The following ARHGEF12 variants were observed in gnomAD, a reference collection of about 807,000 sequenced individuals.
ARHGEF12 encodes the protein KMT2A/ARHGEF12 fusion protein.
ARHGEF12 carries 66 observed loss-of-function variants against 211.2 expected under a neutral mutation model. The ratio of observed to expected loss-of-function variants is 0.31; its 90% CI spans 0.26 to 0.38. The LOEUF is 0.38. Among genes scored for constraint, ARHGEF12 ranks in the 10% least tolerant of loss-of-function variants. The probability of loss-of-function intolerance (pLI) is 1.00; values close to 1 mark genes in which losing one functional copy is unlikely to be tolerated. For synonymous variants in ARHGEF12, 592 were observed against 638.4 expected, an observed-to-expected ratio of 0.93 and a Z score of 1.09; for missense variants, 1,429 against 1,869.5, an observed-to-expected ratio of 0.76 and a Z score of 4.34.
intron 7 of ARHGEF12, among the ~76,000 whole-genome samples, chr11:120,425,105 T>C (rs1363213263): frequency 2.0e-5 from 3 of 152,140 alleles, no homozygotes; most frequent in Non-Finnish European, 4.4e-5. Flanking sequence ...AACCTCGAGC[T>C]GGCAGTGAGT....
chr11:120,367,954 C>T (rs1397820682), intron 1 of ARHGEF12, among the ~76,000 whole-genome samples: 1 of 151,956 alleles, frequency 6.6e-6, no homozygotes, highest in African/African-American at 2.4e-5. Context: ...GCACCCCAGC[C>T]TGGGTGACAG....
intron 1 of ARHGEF12, among the ~76,000 whole-genome samples, chr11:120,389,090 C>T (rs546740995): frequency 6.6e-5 from 10 of 152,098 alleles, no homozygotes; most frequent in Admixed American, 5.2e-4. Context: ...AGGCTGGTTT[C>T]GAACTCCTGA....
At chr11:120,435,266 A>G (rs981626791) in intron 11 of ARHGEF12, among the ~76,000 whole-genome samples, 1 of 151,982 alleles carries the variant, frequency 6.6e-6, no homozygotes, top group Non-Finnish European at 1.5e-5. Context: ...TCCATTTTCT[A>G]ATTATATTTT....
intron 1 of ARHGEF12, among the ~76,000 whole-genome samples, chr11:120,347,541 A>G (rs1434752461): frequency 6.6e-6 from 1 of 152,140 alleles, no homozygotes; most frequent in African/African-American, 2.4e-5. Flanking sequence ...CTGTGGAGAA[A>G]GGATCTATCA....
At position 120,489,242 on chromosome 11, in the gene ARHGEF12, GT is replaced by G. The variant is rs1331389550; in HGVS notation, c.*4172del. 3 of 228,032 alleles carry G rather than the reference GT, an allele frequency of 1.3e-5. No individual in the cohort carries two copies. The highest frequency in any genetic ancestry group is 1.7e-5 in the Non-Finnish European group (2 of 114,850). 14.1% of individuals were successfully genotyped at this position (228,032 alleles called of 1,614,324 possible). On this transcript the variant is annotated 3_prime_UTR_variant, in exon 41 of 41. Transcript: ENST00000397843. Reference sequence around the variant, plus strand: ...CCCTAGCATGTGGGGCAGGTTTGTTGTTTTTTTAATAGCTTTATTGAGATAT... The same window carrying G: ...CCCTAGCATGTGGGGCAGGTTTGTTGTTTTTTAATAGCTTTATTGAGATAT...
intron 1 of ARHGEF12, among the ~76,000 whole-genome samples, chr11:120,399,282 C>T (rs1439543895): frequency 8.2e-6 from 1 of 121,930 alleles, no homozygotes; most frequent in African/African-American, 3.2e-5. Flanking sequence ...GATTGTGCCA[C>T]TGCACTCCAG....
chr11:120,442,459 TATATAC>T (rs1945905577), intron 15 of ARHGEF12, among the ~76,000 whole-genome samples: 1 of 144,000 alleles, frequency 6.9e-6, no homozygotes, highest in Admixed American at 6.9e-5. Context: ...CACACACATA[TATATAC>T]ACACACACAC....
At chr11:120,353,178 A>G (rs1943037238) in intron 1 of ARHGEF12, among the ~76,000 whole-genome samples, 1 of 152,216 alleles carries the variant, frequency 6.6e-6, no homozygotes, top group South Asian at 2.1e-4. Flanking sequence ...CAGCCTCAGA[A>G]CCTTGGGACA....
At chr11:120,431,355 A>G (rs747511960) in intron 10 of ARHGEF12, among the ~76,000 whole-genome samples, 1 of 152,146 alleles carries the variant, frequency 6.6e-6, no homozygotes, top group Non-Finnish European at 1.5e-5. Flanking sequence ...ATGTTATAGT[A>G]TTATGTCCTA....
At chr11:120,339,005 CT>C (rs906260027) in intron 1 of ARHGEF12, among the ~76,000 whole-genome samples, 354 of 121,992 alleles carry the variant, frequency 2.9e-3, no homozygotes, top group Non-Finnish European at 3.9e-3. Flanking sequence ...TTTTCTTTTT[CT>C]TTTTTTTTTT....
chr11:120,424,513 C>A (rs879831229), intron 7 of ARHGEF12, 98 bp downstream of exon 7: 2 of 923,704 alleles, frequency 2.2e-6, no homozygotes, highest in Admixed American at 1.9e-5. Flanking sequence ...AATATTTAGG[C>A]TATGTGGACT....
chr11:120,416,886 G>A (rs1332511986), intron 4 of ARHGEF12, among the ~76,000 whole-genome samples: 4 of 152,016 alleles, frequency 2.6e-5, no homozygotes, highest in African/African-American at 7.2e-5. Context: ...TCTTGACTTC[G>A]TGATCCGCCC....
In ARHGEF12 at chr11:120,364,907, C is replaced by T. The variant is rs1046952329; in HGVS notation, c.32+27632C>T. Among the ~76,000 whole-genome samples, 30 of 150,968 alleles carry T rather than the reference C, an allele frequency of 2.0e-4. 2 individuals carry two copies. Among genetic ancestry groups the T allele is most frequent in the Non-Finnish European group, 1.5e-5 (1 of 67,892 alleles). On this transcript the variant is annotated intron_variant, in intron 1 of 40. Coordinates refer to ENST00000397843, the MANE Select transcript of ARHGEF12 (RefSeq NM_015313.3). ...AATCACAGCTCACTGTAGCCTCAGC[C>T]TCTCAAGTAGCTGATACTACAGGCA...
At chr11:120,442,447 C>G (rs1304885788) in intron 15 of ARHGEF12, among the ~76,000 whole-genome samples, 1 of 141,928 alleles carries the variant, frequency 7.0e-6, no homozygotes, top group Non-Finnish European at 1.6e-5. Flanking sequence ...CACACACACA[C>G]ACACACACAT....
intron 10 of ARHGEF12, among the ~76,000 whole-genome samples, chr11:120,430,091 AAACT>A (rs1486712515): frequency 6.6e-6 from 1 of 152,038 alleles, no homozygotes; most frequent in Admixed American, 6.6e-5. Flanking sequence ...TTGATGTGAC[AAACT>A]ACTAAAATGT....
At chr11:120,392,979 A>C (rs1256253097) in intron 1 of ARHGEF12, among the ~76,000 whole-genome samples, 2 of 152,196 alleles carry the variant, frequency 1.3e-5, no homozygotes, top group Admixed American at 6.5e-5. Context: ...CTCTGAGAGG[A>C]ATAGTAGATA....
chr11:120,467,393 C>T, intron 29 of ARHGEF12, 85 bp downstream of exon 29: 1 of 736,826 alleles, frequency 1.4e-6, no homozygotes, highest in Non-Finnish European at 2.2e-6. Flanking sequence ...TTACAGCGTC[C>T]TGAATGGAGT....
chr11:120,481,204 T>A, intron 38 of ARHGEF12, 56 bp from the exon 39 acceptor site: 1 of 1,512,450 alleles, frequency 6.6e-7, no homozygotes, highest in Non-Finnish European at 9.1e-7. Flanking sequence ...ACTATGCTAT[T>A]TCTGTTTTCT....
At chr11:120,389,021 C>T (rs916047325) in intron 1 of ARHGEF12, among the ~76,000 whole-genome samples, 1 of 151,998 alleles carries the variant, frequency 6.6e-6, no homozygotes, top group Non-Finnish European at 1.5e-5. Context: ...CACCACCATG[C>T]CTGGCTAATT....
Sources: gnomAD v4.1 joint callset for allele counts (sites outside exome capture counted in the v4.1 genomes callset) on GRCh38, gnomAD v4.1.1 for gene constraint, MANE v1.5 for transcripts, NCBI Gene and HGNC (gene_info 2026-07-23, HGNC 2026-07-21) for gene names.